Variants in RFPL1 observed in about 807,000 individuals in gnomAD.
The protein encoded by RFPL1 is ret finger protein-like 1.
Under a neutral mutation model 9.6 loss-of-function variants are expected in RFPL1, and 6 were observed. That is an observed-to-expected ratio of 0.62 (90% CI 0.34 to 1.23). The LOEUF (loss-of-function observed/expected upper bound fraction) is 1.23, where lower values mean the gene tolerates loss of function less well. Among genes scored for constraint, RFPL1 ranks in the 50% most tolerant of loss-of-function variants. The pLI, the probability that RFPL1 is intolerant of heterozygous loss-of-function variation, is 0.03. For synonymous variants in RFPL1, 145 were observed against 149.4 expected, an observed-to-expected ratio of 0.97 and a Z score of 0.22; for missense variants, 352 against 398.4, an observed-to-expected ratio of 0.88 and a Z score of 0.99.
At chr22:29,426,382 A>AT in the RFPL1 span, among the ~76,000 whole-genome samples, 2 of 152,014 alleles carry the variant, frequency 1.3e-5, no homozygotes, top group African/African-American at 4.8e-5. Flanking sequence ...TTTTGTCCAT[A>AT]TTTTTAGAGA....
the RFPL1 span, among the ~76,000 whole-genome samples, chr22:29,404,620 C>T: frequency 2.0e-5 from 3 of 152,112 alleles, no homozygotes; most frequent in Admixed American, 2.0e-4. Context: ...TTGAATACTA[C>T]CTCTTTTAAA....
the RFPL1 span, among the ~76,000 whole-genome samples, chr22:29,391,928 GA>G: frequency 2.6e-3 from 401 of 152,306 alleles, no homozygotes; most frequent in African/African-American, 9.2e-3. Flanking sequence ...TTTGCAGGGA[GA>G]GGGGGTGACA....
At chr22:29,439,916 A>G (rs897099893) in intron 1 of RFPL1, 1 of 152,252 alleles carries the variant, frequency 6.6e-6, no homozygotes, top group Non-Finnish European at 1.5e-5. Context: ...ACCTCACCCC[A>G]GGGTTGGGAA....
the RFPL1 span, among the ~76,000 whole-genome samples, chr22:29,395,071 C>T: frequency 8.5e-5 from 13 of 152,140 alleles, no homozygotes; most frequent in African/African-American, 3.1e-4. Flanking sequence ...CAAAGTCCTT[C>T]CCATCCTCCC....
the RFPL1 span, among the ~76,000 whole-genome samples, chr22:29,414,815 C>CTT: frequency 2.2e-5 from 3 of 134,430 alleles, no homozygotes; most frequent in Non-Finnish European, 3.2e-5. Context: ...TACCTTTTTG[C>CTT]TTTTTTTTTT....
the RFPL1 span, among the ~76,000 whole-genome samples, chr22:29,412,424 C>T: frequency 6.6e-6 from 1 of 151,992 alleles, no homozygotes; most frequent in Admixed American, 6.6e-5. Flanking sequence ...TGGGGAGGGA[C>T]ACGAGTTCCA....
At chr22:29,434,426 T>C (rs1046447582), upstream of RFPL1, 1 of 156,004 alleles carries the variant, frequency 6.4e-6, no homozygotes, top group African/African-American at 2.4e-5. Context: ...TTTACCTTTT[T>C]TCTTTCCACA....
the RFPL1 span, among the ~76,000 whole-genome samples, chr22:29,417,321 G>T: frequency 6.6e-6 from 1 of 151,994 alleles, no homozygotes; most frequent in Non-Finnish European, 1.5e-5. Flanking sequence ...AGGAGGCCCA[G>T]TTGTCCAGCA....
the RFPL1 span, among the ~76,000 whole-genome samples, chr22:29,392,971 C>T: frequency 6.6e-6 from 1 of 152,204 alleles, no homozygotes; most frequent in African/African-American, 2.4e-5. Context: ...GGGGATGCAA[C>T]AGTGAACAGG....
At chr22:29,419,321 T>G in the RFPL1 span, 1 of 805,308 alleles carries the variant, frequency 1.2e-6, no homozygotes, top group African/African-American at 1.7e-5. Context: ...CAATTCCCAG[T>G]ATCTAACTTC....
the RFPL1 span, chr22:29,432,859 TG>T: frequency 6.6e-6 from 1 of 152,244 alleles, no homozygotes; most frequent in South Asian, 2.1e-4. Context: ...TCTCTATGCA[TG>T]TAAAAGTGAA....
chr22:29,409,007 G>GC, the RFPL1 span, among the ~76,000 whole-genome samples: 1 of 148,232 alleles, frequency 6.7e-6, no homozygotes, highest in South Asian at 2.1e-4. Flanking sequence ...TCCTCATGGT[G>GC]TTTTTTTTTT....
At chr22:29,412,733 T>G in the RFPL1 span, among the ~76,000 whole-genome samples, 265 of 152,156 alleles carry the variant, frequency 1.7e-3, 1 homozygote, top group African/African-American at 5.5e-3. Flanking sequence ...CCTGGGCTGG[T>G]ATCTAGTGCA....
At chr22:29,420,956 C>G in the RFPL1 span, among the ~76,000 whole-genome samples, 3 of 152,026 alleles carry the variant, frequency 2.0e-5, no homozygotes, top group Non-Finnish European at 4.4e-5. Context: ...GAGCCCTTCT[C>G]TAAGCCCAGT....
the RFPL1 span, among the ~76,000 whole-genome samples, chr22:29,420,255 G>T: frequency 6.6e-6 from 1 of 152,176 alleles, no homozygotes. Flanking sequence ...GAGGAAGTAG[G>T]GTTGTCTGGT....
exon 2 of RFPL1, chr22:29,442,080 G>A (rs372405064): frequency 1.8e-5 from 28 of 1,597,684 alleles, no homozygotes; most frequent in South Asian, 8.9e-5. Flanking sequence ...TGATAAACCC[G>A]GGCACTACTG....
chr22:29,424,930 C>T, the RFPL1 span, among the ~76,000 whole-genome samples: 472 of 149,700 alleles, frequency 3.2e-3, 3 homozygotes, highest in Middle Eastern at 0.01. Context: ...CCAGGCCAGG[C>T]GCGGTGGCTC....
At chr22:29,424,841 C>CCG in the RFPL1 span, among the ~76,000 whole-genome samples, 46 of 115,292 alleles carry the variant, frequency 4.0e-4, 1 homozygote, top group African/African-American at 1.4e-3. Context: ...CCACCCCCCC[C>CCG]CCCGCAAAAT....
the RFPL1 span, among the ~76,000 whole-genome samples, chr22:29,400,121 A>C: frequency 6.6e-6 from 1 of 150,734 alleles, no homozygotes; most frequent in Non-Finnish European, 1.5e-5. Context: ...TCAGCCTCTC[A>C]AGTAGCTGGG....
Sources: gnomAD v4.1 joint callset for allele counts (sites outside exome capture counted in the v4.1 genomes callset) on GRCh38, gnomAD v4.1.1 for gene constraint, MANE v1.5 for transcripts, NCBI Gene and HGNC (gene_info 2026-07-23, HGNC 2026-07-21) for gene names.